The following PALS1 variants were observed in gnomAD, a reference collection of about 807,000 sequenced individuals.
The protein encoded by PALS1 is protein PALS1.
In PALS1, 31 loss-of-function variants were observed where a neutral mutation model predicts 78.9. That is an observed-to-expected ratio of 0.39 (90% confidence interval 0.30 to 0.53). The LOEUF (loss-of-function observed/expected upper bound fraction) is 0.53, where lower values mean the gene tolerates loss of function less well. Among genes scored for constraint, PALS1 ranks in the 20% least tolerant of loss-of-function variants. PALS1 has a pLI of 0.67. For missense variants in PALS1, 704 were observed against 826.5 expected (o/e 0.85, Z 1.82); for synonymous variants, 276 against 270.9 (o/e 1.02, Z -0.18).
At chr14:67,245,351 T>C (rs1293221732) in intron 1 of PALS1, among the ~76,000 whole-genome samples, 1 of 152,212 alleles carries the variant, frequency 6.6e-6, no homozygotes, top group East Asian at 1.9e-4. Context: ...ATTTTAGTAG[T>C]ATCTCGTTGG....
intron 3 of PALS1, among the ~76,000 whole-genome samples, chr14:67,281,369 A>G (rs2084606971): frequency 6.6e-6 from 1 of 152,210 alleles, no homozygotes; most frequent in African/African-American, 2.4e-5. Context: ...TTTTAATTAC[A>G]GTGAAAGCTA....
intron 1 of PALS1, among the ~76,000 whole-genome samples, chr14:67,258,592 T>C (rs1595565466): frequency 6.6e-6 from 1 of 152,230 alleles, no homozygotes; most frequent in East Asian, 1.9e-4. Flanking sequence ...TGCCTATATT[T>C]TGTACTTTAT....
intron 1 of PALS1, among the ~76,000 whole-genome samples, chr14:67,252,512 T>C (rs1484187929): frequency 6.6e-6 from 1 of 151,998 alleles, no homozygotes; most frequent in East Asian, 1.9e-4. Flanking sequence ...AATAGCTGGG[T>C]GGTGTGAAGT....
At position 67,301,485 on chromosome 14, in the gene PALS1, A is replaced by G; in HGVS notation, c.654+19A>G. 1 of 1,561,954 alleles carries G rather than the reference A, an allele frequency of 6.4e-7. No homozygotes were observed. On this transcript the variant is annotated intron_variant, in intron 5 of 14. Coordinates refer to ENST00000261681, the MANE Select transcript of PALS1 (RefSeq NM_022474.4). ...TATTCAGGTAGAAAATGGACAGAAT[A>G]CTATATATGTGGTTTTTCCAGCATT... is the stretch of plus-strand genomic sequence containing the variant.
intron 1 of PALS1, among the ~76,000 whole-genome samples, chr14:67,246,129 A>T (rs1438221627): frequency 6.6e-6 from 1 of 150,724 alleles, no homozygotes; most frequent in African/African-American, 2.4e-5. Flanking sequence ...TTTTATTTTT[A>T]TTTTATTGTA....
At chr14:67,305,285 C>T (rs1431142724) in intron 8 of PALS1, among the ~76,000 whole-genome samples, 5 of 151,828 alleles carry the variant, frequency 3.3e-5, no homozygotes, top group African/African-American at 9.7e-5. Context: ...GAAGTTAAGA[C>T]ATTTTTTTTT....
At chr14:67,275,054 G>A (rs146472529) in intron 2 of PALS1, among the ~76,000 whole-genome samples, 3,657 of 152,268 alleles carry the variant, frequency 0.024, 70 homozygotes, top group Non-Finnish European at 0.036. Context: ...AGACAATCAT[G>A]TCATCTGCAA....
chr14:67,243,153 A>G (rs1173536174), intron 1 of PALS1, among the ~76,000 whole-genome samples: 2 of 151,784 alleles, frequency 1.3e-5, no homozygotes, highest in Admixed American at 6.6e-5. Flanking sequence ...AAAAAATAGT[A>G]TCTTGACATA....
At chr14:67,306,171 T>C (rs2084999510) in intron 8 of PALS1, among the ~76,000 whole-genome samples, 1 of 152,196 alleles carries the variant, frequency 6.6e-6, no homozygotes, top group Admixed American at 6.5e-5. Context: ...GGTTTCACTA[T>C]GTTGGCCATG....
chr14:67,250,569 C>T (rs2084050379), intron 1 of PALS1, among the ~76,000 whole-genome samples: 1 of 152,172 alleles, frequency 6.6e-6, no homozygotes, highest in Admixed American at 6.5e-5. Context: ...TTCTGATAGT[C>T]ATCTGGGCCC....
chr14:67,313,100 A>G (rs1319306082), intron 9 of PALS1, among the ~76,000 whole-genome samples: 2 of 152,204 alleles, frequency 1.3e-5, no homozygotes, highest in African/African-American at 4.8e-5. Context: ...GAAAAGTAAC[A>G]TCATAGAATT....
rs530863294 is a variant in PALS1 at position 67,284,429 on chromosome 14, T to TAAAAAAAAAAAAAAAAAAAAAAA, written c.367+4907_367+4908insAAAAAAAAAAAAAAAAAAAAAAA. On this transcript the variant is annotated intron_variant, in intron 3 of 14. Coordinates refer to ENST00000261681, the MANE Select transcript of PALS1 (RefSeq NM_022474.4). Reference sequence around the variant, plus strand: ...CTTGGGCAACATAGACCCTATCTCTTAAAAAAAAAAAAAAACAGCTGGGCA... The same window carrying TAAAAAAAAAAAAAAAAAAAAAAA: ...CTTGGGCAACATAGACCCTATCTCTTAAAAAAAAAAAAAAAAAAAAAAAAAAAAAAAAAAAAAACAGCTGGGCA... 1.2e-4 allele frequency among the ~76,000 whole-genome samples: 11 copies of TAAAAAAAAAAAAAAAAAAAAAAA among 92,678 alleles called. 2 individuals are homozygous for TAAAAAAAAAAAAAAAAAAAAAAA. Among genetic ancestry groups the TAAAAAAAAAAAAAAAAAAAAAAA allele is most frequent in the African/African-American group, 6.3e-4 (10 of 15,874 alleles). 60.8% of individuals were successfully genotyped at this position (92,678 alleles called of 152,430 possible).
At chr14:67,303,487 C>A (rs759808484) in intron 7 of PALS1, 35 bp from the exon 8 acceptor site, 1 of 1,519,444 alleles carries the variant, frequency 6.6e-7, no homozygotes, top group East Asian at 2.3e-5. Context: ...TTCATAAATG[C>A]AAATTTAAAA....
chr14:67,313,302 G>A (rs1440907882), intron 9 of PALS1, among the ~76,000 whole-genome samples: 1 of 152,042 alleles, frequency 6.6e-6, no homozygotes, highest in Non-Finnish European at 1.5e-5. Flanking sequence ...TTAACGACAG[G>A]GATAAGTTCT....
chr14:67,329,053 A>C (rs538219305), intron 14 of PALS1, among the ~76,000 whole-genome samples: 1 of 152,286 alleles, frequency 6.6e-6, no homozygotes, highest in South Asian at 2.1e-4. Flanking sequence ...CATTGAATCT[A>C]TAAATTACCT....
At position 67,333,791 on chromosome 14, in the gene PALS1, G is replaced by A. The variant is rs1317244900; in HGVS notation, c.*835G>A. 6.6e-6 allele frequency: 1 copy of A among 150,426 alleles called. No homozygotes were observed. The highest frequency in any genetic ancestry group is 2.5e-5 in the African/African-American group (1 of 39,974). 9.3% of individuals were successfully genotyped at this position (150,426 alleles called of 1,614,324 possible). ...TATGTTACATTTTTATGAATGGCAGGTGTTCATTATAATCTGTATTGACTT... is the reference window on the plus strand; with the variant it reads ...TATGTTACATTTTTATGAATGGCAGATGTTCATTATAATCTGTATTGACTT... On this transcript the variant is annotated 3_prime_UTR_variant, in exon 15 of 15. Coordinates refer to ENST00000261681, the MANE Select transcript of PALS1 (RefSeq NM_022474.4).
chr14:67,265,946 A>G (rs1259932765), intron 1 of PALS1, among the ~76,000 whole-genome samples: 3 of 152,008 alleles, frequency 2.0e-5, no homozygotes, highest in African/African-American at 7.2e-5. Flanking sequence ...TCTGTCCATT[A>G]AAAAACTTTT....
chr14:67,290,352 A>C (rs1412883254), intron 3 of PALS1, among the ~76,000 whole-genome samples: 1 of 152,198 alleles, frequency 6.6e-6, no homozygotes, highest in Non-Finnish European at 1.5e-5. Flanking sequence ...AGACCAGTGA[A>C]ATAAAGACAG....
rs1160044697 is a variant in PALS1 at position 67,320,257 on chromosome 14, A to C, written c.1397A>C (p.Tyr466Ser). 1 of 1,613,172 alleles carries C rather than the reference A, an allele frequency of 6.2e-7. No homozygotes were observed. The highest frequency in any genetic ancestry group is 8.5e-7 in the Non-Finnish European group (1 of 1,179,758). ...DDYDNEEILT[Y>S]EEMSLYHQPA... ...TATGACAACGAGGAGATCTTAACCT[A>C]TGAGGAAATGTCACTTTATCATCAG... Residue 466 changes from tyrosine (Y) to serine (S), a missense_variant, in exon 12 of 15, where the codon TAT becomes TCT. Coordinates refer to ENST00000261681, the MANE Select transcript of PALS1 (RefSeq NM_022474.4).
Sources: allele counts gnomAD v4.1 joint callset (sites outside exome capture counted in the v4.1 genomes callset), GRCh38; gene constraint gnomAD v4.1.1; transcripts MANE v1.5; gene names NCBI Gene and HGNC (gene_info 2026-07-23, HGNC 2026-07-21).